The following TBC1D2B variants were observed in gnomAD, a reference collection of about 807,000 sequenced individuals.
TBC1D2B encodes TBC1 domain family, member 2B.
Under a neutral mutation model 100.8 loss-of-function variants are expected in TBC1D2B, and 64 were observed. That is an observed-to-expected ratio of 0.64 (90% CI 0.52 to 0.78). The LOEUF is 0.78. Ranked by LOEUF, TBC1D2B falls within the 30% of genes least tolerant of loss-of-function variation. The pLI, the probability that TBC1D2B is intolerant of heterozygous loss-of-function variation, is 0.00. For missense variants in TBC1D2B, 1,052 were observed against 1,218.4 expected, an observed-to-expected ratio of 0.86 and a Z score of 2.03; for synonymous variants, 480 against 479.7, an observed-to-expected ratio of 1.00 and a Z score of -0.01.
intron 10 of TBC1D2B, among the ~76,000 whole-genome samples, chr15:78,005,700 A>G (rs1471055011): frequency 1.3e-5 from 2 of 152,228 alleles, no homozygotes; most frequent in African/African-American, 4.8e-5. Flanking sequence ...AAGCAAAAGG[A>G]AATACATCAA....
At chr15:78,041,611 G>A (rs1812756140) in intron 3 of TBC1D2B, among the ~76,000 whole-genome samples, 1 of 152,170 alleles carries the variant, frequency 6.6e-6, no homozygotes, top group Admixed American at 6.5e-5. Context: ...TTATAATACA[G>A]TAATCTATTT....
At chr15:78,009,915 C>T (rs1300670083) in intron 9 of TBC1D2B, among the ~76,000 whole-genome samples, 1 of 146,316 alleles carries the variant, frequency 6.8e-6, no homozygotes, top group Non-Finnish European at 1.5e-5. Flanking sequence ...GCAGAGCTTG[C>T]AGTGAGCCGA....
chr15:78,035,245 A>T (rs2072917864), intron 3 of TBC1D2B, among the ~76,000 whole-genome samples: 1 of 152,356 alleles, frequency 6.6e-6, no homozygotes, highest in African/African-American at 2.4e-5. Flanking sequence ...ATCATCGTTA[A>T]GAAAACCTCT....
intron 6 of TBC1D2B, among the ~76,000 whole-genome samples, chr15:78,022,633 C>T (rs546034184): frequency 1.3e-5 from 2 of 152,080 alleles, no homozygotes; most frequent in African/African-American, 4.8e-5. Context: ...CAGCCTTGCT[C>T]TGCTTTCCAG....
intron 11 of TBC1D2B, chr15:78,002,629 T>A (rs1244736338): frequency 6.6e-6 from 1 of 152,212 alleles, no homozygotes; most frequent in Non-Finnish European, 1.5e-5. Context: ...TTAGTTTGTT[T>A]TCTGGGTCTT....
chr15:78,026,702 G>A (rs2072677497), intron 4 of TBC1D2B, among the ~76,000 whole-genome samples: 1 of 152,118 alleles, frequency 6.6e-6, no homozygotes, highest in African/African-American at 2.4e-5. Flanking sequence ...GATCACCTGA[G>A]GTCGGGAGTT....
At chr15:78,040,889 AGAG>A (rs2073078098) in intron 3 of TBC1D2B, among the ~76,000 whole-genome samples, 3 of 147,658 alleles carry the variant, frequency 2.0e-5, no homozygotes, top group African/African-American at 7.5e-5. Context: ...AAAGAGAGAG[AGAG>A]AGAAAGAAAG....
At chr15:78,012,774 C>G in intron 9 of TBC1D2B, 49 bp downstream of exon 9, 3 of 1,405,462 alleles carry the variant, frequency 2.1e-6, no homozygotes, top group Non-Finnish European at 2.8e-6. Flanking sequence ...GCACCGGTGC[C>G]TACAAGTTGC....
rs2072219101 is a variant in TBC1D2B, at chr15:78,011,368, C to T, written c.2270+1455G>A. 2.0e-5 allele frequency among the ~76,000 whole-genome samples: 3 copies of T among 152,148 alleles called. No individual in the cohort carries two copies. The South Asian group carries it at 6.2e-4, about 31-fold the overall frequency. On this transcript the variant is annotated intron_variant, in intron 9 of 12. Coordinates refer to ENST00000300584, the MANE Select transcript of TBC1D2B (RefSeq NM_144572.2). ...AGCAGGAGCAAAAAAGGCCTGTGGG[C>T]AGCCATAACAAACGTCAGCACTCAG...
intron 3 of TBC1D2B, among the ~76,000 whole-genome samples, chr15:78,035,465 C>T (rs1012131026): frequency 2.6e-5 from 4 of 152,190 alleles, no homozygotes; most frequent in African/African-American, 9.6e-5. Context: ...AGCAGGTGGA[C>T]GACACTGCCA....
chr15:78,052,198 G>C (rs1198371412), intron 2 of TBC1D2B, among the ~76,000 whole-genome samples: 2 of 152,094 alleles, frequency 1.3e-5, no homozygotes, highest in Non-Finnish European at 2.9e-5. Context: ...CCTGTCATCT[G>C]ACTCCCCTCC....
At chr15:78,063,373 A>C (rs904982674) in intron 1 of TBC1D2B, among the ~76,000 whole-genome samples, 1 of 152,382 alleles carries the variant, frequency 6.6e-6, no homozygotes, top group Non-Finnish European at 1.5e-5. Flanking sequence ...GAAGGATGAG[A>C]GAGCATGTCC....
chr15:78,059,556 C>A (rs1442720896), intron 1 of TBC1D2B, among the ~76,000 whole-genome samples: 2 of 152,120 alleles, frequency 1.3e-5, no homozygotes, highest in Non-Finnish European at 2.9e-5. Flanking sequence ...AGACATGAGG[C>A]ACCAGCTCGG....
chr15:78,077,230 C>A, intron 1 of TBC1D2B, 63 bp downstream of exon 1: 1 of 1,403,188 alleles, frequency 7.1e-7, no homozygotes, highest in African/African-American at 1.5e-5. Flanking sequence ...TGGCGCAAGC[C>A]AGTGGCGGAG....
chr15:78,005,708 C>G (rs1186458021), intron 10 of TBC1D2B, among the ~76,000 whole-genome samples: 1 of 152,190 alleles, frequency 6.6e-6, no homozygotes, highest in Admixed American at 6.5e-5. Flanking sequence ...GGAAATACAT[C>G]AAAATGCTAA....
intron 1 of TBC1D2B, among the ~76,000 whole-genome samples, chr15:78,060,133 A>C (rs986184422): frequency 2.0e-5 from 3 of 152,224 alleles, no homozygotes; most frequent in African/African-American, 4.8e-5. Context: ...CCATGTACAT[A>C]AAGTGTTCAT....
intron 1 of TBC1D2B, among the ~76,000 whole-genome samples, chr15:78,063,335 C>A (rs1289939398): frequency 6.6e-6 from 1 of 152,202 alleles, no homozygotes; most frequent in Admixed American, 6.5e-5. Flanking sequence ...AAACTCAAAC[C>A]TGAGTCTGCA....
At chr15:78,031,218 A>C (rs1426123751) in intron 3 of TBC1D2B, among the ~76,000 whole-genome samples, 1 of 152,206 alleles carries the variant, frequency 6.6e-6, no homozygotes, top group East Asian at 1.9e-4. Flanking sequence ...CAAATACAGA[A>C]TATTGGCCAC....
chr15:78,077,696 G>C lies in TBC1D2B; in HGVS notation c.-44C>G. ...GTAGGCGCCCGCGCCCTGCGCCTCC[G>C]CGCCGCGGCCGCTGCGCCCCCTACC... On this transcript the variant is annotated 5_prime_UTR_variant, in exon 1 of 13. Coordinates refer to ENST00000300584, the MANE Select transcript of TBC1D2B (RefSeq NM_144572.2). The C allele has an allele frequency of 3.1e-6, 3 of 982,258 alleles. No individual in the cohort carries two copies. Among genetic ancestry groups the C allele is most frequent in the East Asian group, 1.2e-4 (1 of 8,482 alleles). 60.8% of individuals were successfully genotyped at this position (982,258 alleles called of 1,614,324 possible).
Sources: gnomAD v4.1 joint callset for allele counts (sites outside exome capture counted in the v4.1 genomes callset) on GRCh38, gnomAD v4.1.1 for gene constraint, MANE v1.5 for transcripts, NCBI Gene and HGNC (gene_info 2026-07-23, HGNC 2026-07-21) for gene names.